The following BMPR1B variants were observed in gnomAD, a reference collection of about 807,000 sequenced individuals.
BMPR1B encodes bone morphogenetic protein receptor type-1B.
A neutral mutation model predicts 59.1 loss-of-function variants in BMPR1B; 12 were observed. That is an observed-to-expected ratio of 0.20 (90% confidence interval 0.13 to 0.33). The LOEUF (loss-of-function observed/expected upper bound fraction) is 0.33. Ranked by LOEUF, BMPR1B falls within the 10% of genes least tolerant of loss-of-function variation. The pLI is 1.00. For synonymous variants in BMPR1B, 237 were observed against 207.3 expected (o/e 1.14, Z -1.23); for missense variants, 550 against 610.9 (o/e 0.90, Z 1.05).
At chr4:94,953,756 G>C (rs923029083) in intron 2 of BMPR1B, among the ~76,000 whole-genome samples, 2 of 152,104 alleles carry the variant, frequency 1.3e-5, no homozygotes, top group Non-Finnish European at 2.9e-5. Flanking sequence ...TTCTCGAGGA[G>C]TATCTCTGTG....
At chr4:94,981,002 C>T in intron 2 of BMPR1B, among the ~76,000 whole-genome samples, 1 of 120,300 alleles carries the variant, frequency 8.3e-6, no homozygotes, top group Non-Finnish European at 1.7e-5. Context: ...CACACACACA[C>T]ACACACACAC....
intron 3 of BMPR1B, among the ~76,000 whole-genome samples, chr4:95,028,174 G>T (rs1197369079): frequency 2.6e-5 from 4 of 152,138 alleles, no homozygotes; most frequent in Non-Finnish European, 5.9e-5. Flanking sequence ...GCATCTCCCA[G>T]TTGTATATAA....
At chr4:94,782,084 G>T in intron 1 of BMPR1B, among the ~76,000 whole-genome samples, 1 of 150,814 alleles carries the variant, frequency 6.6e-6, no homozygotes, top group African/African-American at 2.4e-5. Context: ...AATTTGTTTT[G>T]CTTCTTTTTT....
intron 6 of BMPR1B, 114 bp from the exon 7 acceptor site, chr4:95,123,696 G>T: frequency 1.2e-6 from 1 of 815,146 alleles, no homozygotes; most frequent in South Asian, 1.5e-5. Context: ...ATGTGAAAAG[G>T]ATCTTTCACA....
At chr4:94,926,069 C>T (rs1728878206) in intron 2 of BMPR1B, among the ~76,000 whole-genome samples, 1 of 51,972 alleles carries the variant, frequency 1.9e-5, no homozygotes, top group African/African-American at 1.0e-4. Flanking sequence ...CCCCCAATCC[C>T]TCCCGTCTCC....
intron 1 of BMPR1B, among the ~76,000 whole-genome samples, chr4:94,856,457 G>C (rs985689692): frequency 4.6e-5 from 7 of 152,258 alleles, no homozygotes; most frequent in African/African-American, 1.7e-4. Context: ...AAAGGAGGGG[G>C]TTTCCTCCTG....
At chr4:94,845,632 G>A (rs928525384) in intron 1 of BMPR1B, among the ~76,000 whole-genome samples, 9 of 152,284 alleles carry the variant, frequency 5.9e-5, no homozygotes, top group African/African-American at 2.2e-4. Context: ...GTGAGCCATC[G>A]TGCCTGGCCA....
chr4:94,868,523 C>T (rs552720247), intron 1 of BMPR1B, among the ~76,000 whole-genome samples: 2 of 152,278 alleles, frequency 1.3e-5, no homozygotes, highest in South Asian at 4.1e-4. Context: ...GGGCTCCCCA[C>T]TGTCATTGGA....
At chr4:94,826,375 G>GTTTTGAA (rs1553909792) in intron 1 of BMPR1B, among the ~76,000 whole-genome samples, 1 of 151,756 alleles carries the variant, frequency 6.6e-6, no homozygotes, top group Non-Finnish European at 1.5e-5. Context: ...CTTTCACCAT[G>GTTTTGAA]TTTTAAAGCT....
chr4:94,942,248 C>G (rs1233898757), intron 2 of BMPR1B, among the ~76,000 whole-genome samples: 1 of 152,140 alleles, frequency 6.6e-6, no homozygotes, highest in East Asian at 1.9e-4. Context: ...ACAGAATTCT[C>G]TCAAATTTTA....
At chr4:94,866,959 A>G (rs1049621079) in intron 1 of BMPR1B, among the ~76,000 whole-genome samples, 9 of 152,150 alleles carry the variant, frequency 5.9e-5, no homozygotes, top group African/African-American at 1.9e-4. Flanking sequence ...GATTTGTCAG[A>G]TCCATGGACA....
chr4:94,854,454 A>T (rs1005030314), intron 1 of BMPR1B, among the ~76,000 whole-genome samples: 1 of 152,126 alleles, frequency 6.6e-6, no homozygotes, highest in African/African-American at 2.4e-5. Flanking sequence ...AACAAGGGGT[A>T]TTGAGATTGT....
intron 3 of BMPR1B, among the ~76,000 whole-genome samples, chr4:95,055,459 A>T (rs1726851216): frequency 6.6e-6 from 1 of 152,156 alleles, no homozygotes; most frequent in Non-Finnish European, 1.5e-5. Context: ...ATATACTGAA[A>T]ATCTGAACTG....
intron 1 of BMPR1B, among the ~76,000 whole-genome samples, chr4:94,761,060 A>G (rs1011119938): frequency 6.6e-6 from 1 of 152,172 alleles, no homozygotes; most frequent in Non-Finnish European, 1.5e-5. Context: ...TTGAGACTTT[A>G]CTTTTTTCAC....
chr4:95,129,099 A>G lies in BMPR1B; in HGVS notation c.586-763A>G, dbSNP rs1447653411. On this transcript the variant is annotated intron_variant, in intron 8 of 12. Coordinates refer to ENST00000515059, the MANE Select transcript of BMPR1B (RefSeq NM_001203.3). ...TTGTATGGTGGCAAGAGTTCCTTCA[A>G]AGTACTATTATCCCGCCATAGTCAC... 3.3e-5 allele frequency among the ~76,000 whole-genome samples: 5 copies of G among 152,132 alleles called. No individual in the cohort carries two copies. The East Asian group carries it at 7.7e-4, about 23-fold the overall frequency.
chr4:95,142,456 T>C (rs370256207), intron 10 of BMPR1B, among the ~76,000 whole-genome samples: 239 of 152,264 alleles, frequency 1.6e-3, no homozygotes, highest in African/African-American at 5.4e-3. Flanking sequence ...TCCTTTTTTT[T>C]CCACACACTC....
At chr4:94,926,811 T>G (rs186644679) in intron 2 of BMPR1B, among the ~76,000 whole-genome samples, 1 of 152,238 alleles carries the variant, frequency 6.6e-6, no homozygotes, top group Non-Finnish European at 1.5e-5. Context: ...GAAAATCTAG[T>G]AGATAATGTT....
intron 2 of BMPR1B, among the ~76,000 whole-genome samples, chr4:94,883,607 ATATT>A (rs1169312291): frequency 1.3e-5 from 2 of 151,578 alleles, no homozygotes; most frequent in Admixed American, 6.6e-5. Flanking sequence ...TTCAATATAT[ATATT>A]AAGGAATATA....
chr4:95,028,245 C>T (rs1724563902), intron 3 of BMPR1B, among the ~76,000 whole-genome samples: 1 of 152,078 alleles, frequency 6.6e-6, no homozygotes, highest in African/African-American at 2.4e-5. Flanking sequence ...GCAAAACTCC[C>T]TCCAAATGTA....
Sources: allele counts gnomAD v4.1 joint callset (sites outside exome capture counted in the v4.1 genomes callset), GRCh38; gene constraint gnomAD v4.1.1; transcripts MANE v1.5; gene names NCBI Gene and HGNC (gene_info 2026-07-23, HGNC 2026-07-21).